Variants in POLK observed in about 807,000 individuals in gnomAD.
POLK encodes DNA polymerase kappa.
POLK carries 76 observed loss-of-function variants against 94.0 expected under a neutral mutation model. That is an observed-to-expected ratio of 0.81 (90% CI 0.67 to 0.98). The LOEUF is 0.98. POLK is among the 50% of genes least tolerant of loss of function. POLK has a pLI of 0.00. For synonymous variants in POLK, 349 were observed against 325.4 expected, an observed-to-expected ratio of 1.07 and a Z score of -0.78; for missense variants, 954 against 1,010.1, an observed-to-expected ratio of 0.94 and a Z score of 0.75.
intron 1 of POLK, among the ~76,000 whole-genome samples, chr5:75,537,356 T>C (rs1769492616): frequency 6.6e-6 from 1 of 152,218 alleles, no homozygotes; most frequent in South Asian, 2.1e-4. Flanking sequence ...TGAATCCCCC[T>C]GGGGGCTCTC....
intron 5 of POLK, among the ~76,000 whole-genome samples, chr5:75,576,423 A>G (rs1208054334): frequency 6.6e-6 from 1 of 152,188 alleles, no homozygotes; most frequent in African/African-American, 2.4e-5. Flanking sequence ...TTCCCACTTC[A>G]GCTTCTGACG....
chr5:75,551,065 A>C (rs1010496511), intron 2 of POLK, among the ~76,000 whole-genome samples: 8 of 150,914 alleles, frequency 5.3e-5, no homozygotes, highest in African/African-American at 2.0e-4. Flanking sequence ...CTTAAAAACA[A>C]AACAAAACCC....
intron 1 of POLK, among the ~76,000 whole-genome samples, chr5:75,539,989 C>A (rs559073052): frequency 1.4e-3 from 215 of 152,176 alleles, no homozygotes; most frequent in South Asian, 4.6e-3. Context: ...GAGTTTTAAA[C>A]CCCTGCCATA....
At chr5:75,570,782 A>G (rs1031776418) in intron 4 of POLK, among the ~76,000 whole-genome samples, 1 of 152,170 alleles carries the variant, frequency 6.6e-6, no homozygotes, top group African/African-American at 2.4e-5. Flanking sequence ...CCCTGTTCCT[A>G]ACTCCTTCCC....
chr5:75,531,403 G>C (rs1254227790), intron 1 of POLK, among the ~76,000 whole-genome samples: 1 of 151,684 alleles, frequency 6.6e-6, no homozygotes, highest in Non-Finnish European at 1.5e-5. Flanking sequence ...ATTTACACCA[G>C]TATATAATAT....
At chr5:75,545,241 G>T (rs1769947520) in intron 1 of POLK, among the ~76,000 whole-genome samples, 1 of 152,182 alleles carries the variant, frequency 6.6e-6, no homozygotes, top group South Asian at 2.1e-4. Flanking sequence ...GTTAAGGGAA[G>T]ATCCTCAAGG....
At chr5:75,511,534 A>AAAGGGAAAAGAAGGG (rs1460671417), upstream of POLK, 1 of 1,463,842 alleles carries the variant, frequency 6.8e-7, no homozygotes, top group Non-Finnish European at 9.0e-7. Flanking sequence ...TAGGGAAGGA[A>AAAGGGAAAAGAAGGG]AAGGGAAAAG....
downstream of POLK, among the ~76,000 whole-genome samples, chr5:75,601,931 C>G (rs1773305095): frequency 1.3e-5 from 2 of 152,162 alleles, no homozygotes; most frequent in Non-Finnish European, 2.9e-5. Context: ...AAACAAGTCA[C>G]CAGTTTTCCA....
intron 1 of POLK, among the ~76,000 whole-genome samples, chr5:75,523,486 G>A (rs1768684254): frequency 6.6e-6 from 1 of 152,218 alleles, no homozygotes; most frequent in African/African-American, 2.4e-5. Flanking sequence ...TATGTGAAAA[G>A]ATGTGTAAAG....
At chr5:75,529,236 G>A (rs185859765) in intron 1 of POLK, among the ~76,000 whole-genome samples, 29 of 152,274 alleles carry the variant, frequency 1.9e-4, no homozygotes, top group African/African-American at 7.0e-4. Context: ...GGGGAGGCAA[G>A]CACATTACAT....
At chr5:75,597,613 G>T (rs1773161545) in intron 13 of POLK, 134 bp from the exon 14 acceptor site, 1 of 447,984 alleles carries the variant, frequency 2.2e-6, no homozygotes, top group Non-Finnish European at 4.0e-6. Context: ...TATAGTTTTT[G>T]GTGTGTTTAC....
At chr5:75,559,523 G>GTTTTTTTTTTTTTTTTTTTTTT (rs775525619) in intron 3 of POLK, among the ~76,000 whole-genome samples, 16 of 54,672 alleles carry the variant, frequency 2.9e-4, no homozygotes, top group Non-Finnish European at 4.8e-4. Context: ...GTTTTGTTTT[G>GTTTTTTTTTTTTTTTTTTTTTT]TTTTTTTTTT....
At chr5:75,544,274 C>T (rs1311791076) in intron 1 of POLK, among the ~76,000 whole-genome samples, 1 of 152,158 alleles carries the variant, frequency 6.6e-6, no homozygotes, top group Admixed American at 6.5e-5. Flanking sequence ...TCAGTCTCAG[C>T]TATTTCGGAG....
chr5:75,576,972 G>GAAA, intron 6 of POLK, 39 bp downstream of exon 6: 3 of 1,045,464 alleles, frequency 2.9e-6, no homozygotes, highest in Admixed American at 3.3e-5. Context: ...AAGAAGCAGT[G>GAAA]AAAAAAAAAA....
chr5:75,607,209 G>C, the POLK span, among the ~76,000 whole-genome samples: 1 of 152,162 alleles, frequency 6.6e-6, no homozygotes, highest in Non-Finnish European at 1.5e-5. Flanking sequence ...TCTCACGCCT[G>C]TAATCTCAGC....
At chr5:75,594,978 C>T (rs1031062549) in intron 12 of POLK, among the ~76,000 whole-genome samples, 2 of 152,114 alleles carry the variant, frequency 1.3e-5, no homozygotes, top group Admixed American at 1.3e-4. Context: ...AGGCTGGGCG[C>T]GGTGGCTCAC....
At chr5:75,568,943 G>A (rs1771431192) in intron 3 of POLK, among the ~76,000 whole-genome samples, 1 of 152,098 alleles carries the variant, frequency 6.6e-6, no homozygotes, top group African/African-American at 2.4e-5. Flanking sequence ...TTTGATAAAA[G>A]CAGTTGGATT....
At chr5:75,547,154 G>A (rs1227550989) in exon 2 of POLK, 7 of 1,529,886 alleles carry the variant, frequency 4.6e-6, no homozygotes, top group Admixed American at 1.8e-5. Context: ...TGGAAGCCAC[G>A]AAGGTATGTT....
chr5:75,579,642 G>A (rs982828600), intron 6 of POLK, among the ~76,000 whole-genome samples: 1 of 151,948 alleles, frequency 6.6e-6, no homozygotes, highest in African/African-American at 2.4e-5. Context: ...ACAGACGTGA[G>A]CCACCTTGCC....
Sources: gnomAD v4.1 joint callset for allele counts (sites outside exome capture counted in the v4.1 genomes callset) on GRCh38, gnomAD v4.1.1 for gene constraint, MANE v1.5 for transcripts, NCBI Gene and HGNC (gene_info 2026-07-23, HGNC 2026-07-21) for gene names.